SLCO3A1: variants seen among roughly 807,000 people sequenced by gnomAD.
SLCO3A1 encodes solute carrier organic anion transporter family member 3A1, also known as PGE1 transporter.
A neutral mutation model predicts 63.1 loss-of-function variants in SLCO3A1; 27 were observed. The ratio of observed to expected loss-of-function variants is 0.43; its 90% confidence interval spans 0.32 to 0.59. The LOEUF (loss-of-function observed/expected upper bound fraction) is 0.59. Ranked by LOEUF, SLCO3A1 falls within the 20% of genes least tolerant of loss-of-function variation. The pLI is 0.09. For missense variants in SLCO3A1, 773 were observed against 945.8 expected (o/e 0.82, Z 2.40); for synonymous variants, 473 against 409.9 (o/e 1.15, Z -1.86).
rs1442592394 is a variant in SLCO3A1, at chr15:91,897,178, G to C, written c.181-18815G>C. Among the ~76,000 whole-genome samples, 2 of 152,184 alleles carry C rather than the reference G, an allele frequency of 1.3e-5. No individual in the cohort carries two copies. The highest frequency in any genetic ancestry group is 3.9e-4 in the East Asian group (2 of 5,190). On this transcript the variant is annotated intron_variant, in intron 1 of 9. Coordinates refer to ENST00000318445, the MANE Select transcript of SLCO3A1 (RefSeq NM_013272.4). This position sits in a 1 kb window ranked among gnomAD's most constrained non-coding sequence, Gnocchi z 4.7. Reference sequence around the variant, plus strand: ...TTGCTTTTAAAATAAAGACAGGCTGGATGCGGTGGTGCACGCCTGTAATCC... The same window carrying C: ...TTGCTTTTAAAATAAAGACAGGCTGCATGCGGTGGTGCACGCCTGTAATCC...
At chr15:91,997,551 CA>C (rs2151449788) in intron 2 of SLCO3A1, among the ~76,000 whole-genome samples, 1 of 152,282 alleles carries the variant, frequency 6.6e-6, no homozygotes, top group East Asian at 1.9e-4. Flanking sequence ...ATAGCCAAAG[CA>C]ATCCTAAGCA....
chr15:92,097,695 G>A (rs2047556719), intron 3 of SLCO3A1, among the ~76,000 whole-genome samples: 1 of 152,188 alleles, frequency 6.6e-6, no homozygotes, highest in African/African-American at 2.4e-5. Context: ...AAGGTGCATT[G>A]TCAGTCACGG....
intron 2 of SLCO3A1, among the ~76,000 whole-genome samples, chr15:92,001,467 C>T (rs56112368): frequency 0.041 from 6,235 of 152,244 alleles, 179 homozygotes; most frequent in Non-Finnish European, 0.059. Flanking sequence ...CTTGACAGTG[C>T]CTCCTGCCCC....
At chr15:92,041,688 C>G (rs757676571) in intron 2 of SLCO3A1, among the ~76,000 whole-genome samples, 1 of 152,170 alleles carries the variant, frequency 6.6e-6, no homozygotes, top group Non-Finnish European at 1.5e-5. Context: ...AGAGCCTGCC[C>G]TATTCTTCCC....
intron 2 of SLCO3A1, among the ~76,000 whole-genome samples, chr15:91,963,918 T>G (rs932108454): frequency 3.9e-5 from 6 of 152,148 alleles, no homozygotes; most frequent in Non-Finnish European, 7.3e-5. Flanking sequence ...TTTTATTCCC[T>G]TATTTGGCCC....
At chr15:92,057,764 A>T (rs776518150) in intron 2 of SLCO3A1, among the ~76,000 whole-genome samples, 4 of 152,236 alleles carry the variant, frequency 2.6e-5, no homozygotes, top group Non-Finnish European at 5.9e-5. Flanking sequence ...TGTCAGAGCC[A>T]TCCCATTTCT....
In SLCO3A1 at chr15:91,919,122, G is replaced by A. The variant is rs537452557; in HGVS notation, c.646+2664G>A. 5.9e-5 allele frequency among the ~76,000 whole-genome samples: 9 copies of A among 152,352 alleles called. No homozygotes were observed. The East Asian group carries it at 7.7e-4, about 13-fold the overall frequency. On this transcript the variant is annotated intron_variant, in intron 2 of 9. Transcript: ENST00000318445. ...TGATGACACCTGCCCCGGGTCACCC[G>A]CATTGTGGGTCACTAGATGGGTGCT...
intron 2 of SLCO3A1, among the ~76,000 whole-genome samples, chr15:91,995,206 G>T (rs1348144225): frequency 2.6e-5 from 4 of 152,234 alleles, no homozygotes; most frequent in African/African-American, 4.8e-5. Context: ...GGTGATTTAC[G>T]GGAGAGCAGC....
At chr15:92,032,487 G>A (rs1295546559) in intron 2 of SLCO3A1, among the ~76,000 whole-genome samples, 1 of 152,186 alleles carries the variant, frequency 6.6e-6, no homozygotes, top group African/African-American at 2.4e-5. Context: ...TAGAGTCAGT[G>A]CAGGGGTGGT....
In SLCO3A1 at chr15:91,856,355, G is replaced by A. The variant is rs1038733895; in HGVS notation, c.180+2267G>A. 2.0e-5 allele frequency among the ~76,000 whole-genome samples: 3 copies of A among 152,102 alleles called. No individual in the cohort carries two copies. Among genetic ancestry groups the A allele is most frequent in the African/African-American group, 7.2e-5 (3 of 41,416 alleles). On this transcript the variant is annotated intron_variant, in intron 1 of 9. Coordinates refer to ENST00000318445, the MANE Select transcript of SLCO3A1 (RefSeq NM_013272.4). This position sits in a 1 kb window ranked among gnomAD's most constrained non-coding sequence, Gnocchi z 4.9. ...AGGCTCTAAGGGCTCTGCTTTGCCC[G>A]GCTGCCCTCGTCTTTGCCTTGCCAT...
At chr15:91,953,719 G>A (rs1264792107) in intron 2 of SLCO3A1, among the ~76,000 whole-genome samples, 2 of 152,146 alleles carry the variant, frequency 1.3e-5, no homozygotes, top group Non-Finnish European at 2.9e-5. Context: ...GGGCTGGCAG[G>A]AGATTCCAGA....
At chr15:92,167,223 G>A (rs543260944), downstream of SLCO3A1, among the ~76,000 whole-genome samples, 1 of 152,154 alleles carries the variant, frequency 6.6e-6, no homozygotes, top group Non-Finnish European at 1.5e-5. Flanking sequence ...CACATATCTG[G>A]CCAGAAGCCA....
chr15:92,081,912 T>TGA (rs1272596739), intron 2 of SLCO3A1, among the ~76,000 whole-genome samples: 2 of 152,190 alleles, frequency 1.3e-5, no homozygotes, highest in Non-Finnish European at 2.9e-5. Flanking sequence ...TGAGCCCCAT[T>TGA]GATGTATCTG....
chr15:92,139,371 G>C (rs1245245084), intron 7 of SLCO3A1, among the ~76,000 whole-genome samples: 1 of 151,678 alleles, frequency 6.6e-6, no homozygotes, highest in East Asian at 1.9e-4. Flanking sequence ...TGCTGGATTC[G>C]TTTTGCCAGT....
intron 2 of SLCO3A1, among the ~76,000 whole-genome samples, chr15:92,091,150 A>G (rs1421480525): frequency 1.3e-5 from 2 of 152,202 alleles, no homozygotes; most frequent in South Asian, 2.1e-4. Flanking sequence ...GCTGTGAAAC[A>G]GGCCCAGTAA....
In SLCO3A1 at chr15:92,104,488, C is replaced by A. The variant is rs1238350531; in HGVS notation, c.955C>A (p.Leu319Met). The A allele has an allele frequency of 8.1e-6, 13 of 1,614,108 alleles. No individual in the cohort carries two copies. Among genetic ancestry groups the A allele is most frequent in the Admixed American group, 1.7e-5 (1 of 60,020 alleles). The change falls in exon 4 of 10, where the codon CTG becomes ATG. Residue 319 changes from leucine to methionine, a missense_variant. Transcript: ENST00000318445. ...GAGACCCAAGCCCAGCAACGGGGTCCTGAGGCACCCCCTGGAGCCAGACAG... is the reference window on the plus strand; with the variant it reads ...GAGACCCAAGCCCAGCAACGGGGTCATGAGGCACCCCCTGGAGCCAGACAG... ...YERPKPSNGVLRHPLEPDSSA... is the reference protein window; with the variant it reads ...YERPKPSNGVMRHPLEPDSSA...
In SLCO3A1 at chr15:92,114,512, G is replaced by T. The variant is rs557964504; in HGVS notation, c.1010-5953G>T. Among the ~76,000 whole-genome samples, 24 of 152,292 alleles carry T rather than the reference G, an allele frequency of 1.6e-4. No homozygotes were observed. In the South Asian group the frequency reaches 4.6e-3, roughly 29 times the overall value. On this transcript the variant is annotated intron_variant, in intron 4 of 9. Transcript: ENST00000318445. Reference sequence around the variant, plus strand: ...ACGGGGCACATTAGCAACCAACTCGGTGGTTGCTAAACCTTGATGCTATTC... The same window carrying T: ...ACGGGGCACATTAGCAACCAACTCGTTGGTTGCTAAACCTTGATGCTATTC...
At chr15:92,126,839 G>A (rs1359701292) in intron 6 of SLCO3A1, among the ~76,000 whole-genome samples, 1 of 152,222 alleles carries the variant, frequency 6.6e-6, no homozygotes, top group Non-Finnish European at 1.5e-5. Flanking sequence ...ATTATGGGGA[G>A]TCTTCAGCTA....
chr15:92,152,066 T>C (rs552867843), intron 9 of SLCO3A1, among the ~76,000 whole-genome samples: 1 of 152,254 alleles, frequency 6.6e-6, no homozygotes, highest in African/African-American at 2.4e-5. Context: ...AACAGGTCTG[T>C]AATGTAATAA....
Sources: allele counts gnomAD v4.1 joint callset (sites outside exome capture counted in the v4.1 genomes callset), GRCh38; gene constraint gnomAD v4.1.1; non-coding constraint Gnocchi (gnomAD v3.1); transcripts MANE v1.5; gene names NCBI Gene and HGNC (gene_info 2026-07-23, HGNC 2026-07-21).